ACP6: variants seen among roughly 807,000 people sequenced by gnomAD.
ACP6 encodes lysophosphatidic acid phosphatase type 6.
In ACP6, 48 loss-of-function variants were observed where a neutral mutation model predicts 48.1. That is an observed-to-expected ratio of 1.00 (90% CI 0.79 to 1.27). The LOEUF (loss-of-function observed/expected upper bound fraction) is 1.27, where lower values mean the gene tolerates loss of function less well. Among genes scored for constraint, ACP6 ranks in the 50% most tolerant of loss-of-function variants. The probability of loss-of-function intolerance (pLI) is 0.00; values close to 1 mark genes in which losing one functional copy is unlikely to be tolerated. For synonymous variants in ACP6, 172 were observed against 204.2 expected, an observed-to-expected ratio of 0.84 and a Z score of 1.34; for missense variants, 485 against 529.1, an observed-to-expected ratio of 0.92 and a Z score of 0.82.
At chr1:147,649,990 T>C (rs1659832408) in intron 8 of ACP6, 153 bp downstream of exon 8, 8 of 604,758 alleles carry the variant, frequency 1.3e-5, no homozygotes, top group East Asian at 3.3e-5. Context: ...GGTTAAAAGA[T>C]TGTGAACCTC....
chr1:147,659,545 A>G lies in ACP6; in HGVS notation c.349-19T>C. The stretch of plus-strand genomic sequence containing the variant: ...TGCCCCCCTAAAGTAGGGAAGAAAG[A>G]GAAAGAAGAATGAAAACACCTGACA... On this transcript the variant is annotated intron_variant, in intron 2 of 9. Coordinates refer to ENST00000583509, the MANE Select transcript of ACP6 (RefSeq NM_016361.5). 4 of 1,611,728 alleles carry G rather than the reference A, an allele frequency of 2.5e-6. No individual in the cohort carries two copies. The highest frequency in any genetic ancestry group is 3.4e-6 in the Non-Finnish European group (4 of 1,179,912).
Position 147,647,114 on chromosome 1 carries a change from G to A in ACP6, c.*309C>T, listed in dbSNP as rs1260103202. On this transcript the variant is annotated 3_prime_UTR_variant, in exon 10 of 10. Coordinates refer to ENST00000583509, the MANE Select transcript of ACP6 (RefSeq NM_016361.5). ...CTCAATACATGTGAAATTAATATAG[G>A]AGAAAAGAACTAAAGTCCAAAACCG... is the stretch of plus-strand genomic sequence containing the variant. 2.0e-5 allele frequency: 6 copies of A among 295,834 alleles called. No homozygotes were observed. The highest frequency in any genetic ancestry group is 3.9e-5 in the Non-Finnish European group (6 of 154,676). The allele number at this position is 295,834 out of a possible 1,614,324, so 18.3% of individuals were successfully genotyped here.
chr1:147,635,262 C>T (rs587690408), intron 5 of ACP6, among the ~76,000 whole-genome samples: 10 of 152,264 alleles, frequency 6.6e-5, no homozygotes, highest in South Asian at 2.1e-4. Flanking sequence ...TAGGAAGATC[C>T]GAACTCATTG....
intron 9 of ACP6, 72 bp from the exon 10 acceptor site, chr1:147,647,638 G>T: frequency 1.9e-6 from 3 of 1,545,540 alleles, no homozygotes; most frequent in Non-Finnish European, 2.6e-6. Context: ...TAAGCCCAGA[G>T]ATCTGAGAGG....
intron 1 of ACP6, among the ~76,000 whole-genome samples, chr1:147,665,907 G>T (rs1207445097): frequency 6.6e-6 from 1 of 152,134 alleles, no homozygotes; most frequent in Non-Finnish European, 1.5e-5. Flanking sequence ...CCAGTTAGTG[G>T]CAAAGACTAA....
At position 147,647,472 on chromosome 1, in the gene ACP6, T is replaced by C. The variant is rs1659678507; in HGVS notation, c.1238A>G (p.His413Arg). 1.2e-6 allele frequency: 2 copies of C among 1,614,188 alleles called. No individual in the cohort carries two copies. Among genetic ancestry groups the C allele is most frequent in the Non-Finnish European group, 8.5e-7 (1 of 1,180,026 alleles). ...CACCTGAGTTTGAGAGCAGAGTGCG[T>C]GGTATTTTTCTGGGCTTAAGGTATA... ...SVYTLSPEKY[H>R]ALCSQTQVME... The change falls in exon 10 of 10, where the codon CAC becomes CGC. Residue 413 changes from histidine to arginine, a missense_variant. Coordinates refer to ENST00000583509, the MANE Select transcript of ACP6 (RefSeq NM_016361.5).
At chr1:147,657,477 G>A (rs1438333051) in intron 4 of ACP6, among the ~76,000 whole-genome samples, 1 of 152,150 alleles carries the variant, frequency 6.6e-6, no homozygotes, top group African/African-American at 2.4e-5. Context: ...CTGGAGTGCA[G>A]TGGTGCGATC....
At chr1:147,657,781 A>C (rs1660331929) in intron 4 of ACP6, among the ~76,000 whole-genome samples, 2 of 152,180 alleles carry the variant, frequency 1.3e-5, no homozygotes, top group Admixed American at 1.3e-4. Flanking sequence ...GCTACAAAAG[A>C]AGCCAATCTG....
At chr1:147,648,186 G>A (rs1444195798) in intron 9 of ACP6, 60 bp downstream of exon 9, 1 of 1,590,356 alleles carries the variant, frequency 6.3e-7, no homozygotes, top group Non-Finnish European at 8.6e-7. Context: ...GCTAACTCAG[G>A]TAGGTGGGTT....
chr1:147,648,880 A>G (rs1239887042), intron 8 of ACP6, among the ~76,000 whole-genome samples: 3 of 152,144 alleles, frequency 2.0e-5, no homozygotes, highest in Admixed American at 1.3e-4. Flanking sequence ...ACATTCTCCA[A>G]ATGGCTTTAA....
chr1:147,643,266 G>A lies in ACP6; in HGVS notation c.*4157C>T, dbSNP rs2148900092. ...ATCAGTGTTACAAGGCAACGATGTT[G>A]AACAAAACACAATGTTATTCAAGGA... On this transcript the variant is annotated 3_prime_UTR_variant, in exon 10 of 10. Transcript: ENST00000583509. The A allele has an allele frequency of 6.6e-6, 1 of 152,284 alleles. No individual in the cohort carries two copies. The highest frequency in any genetic ancestry group is 1.5e-5 in the Non-Finnish European group (1 of 68,028). 9.4% of individuals were successfully genotyped at this position (152,284 alleles called of 1,614,324 possible).
chr1:147,645,867 G>A lies in ACP6; in HGVS notation c.*1556C>T, dbSNP rs1176852259. 1.3e-5 allele frequency: 2 copies of A among 152,138 alleles called. No homozygotes were observed. The highest frequency in any genetic ancestry group is 4.8e-5 in the African/African-American group (2 of 41,408). The allele number at this position is 152,138 out of a possible 1,614,324, so 9.4% of individuals were successfully genotyped here. A position where few individuals can be genotyped will look rare whatever the true frequency, so the allele number is the denominator to read the frequency against. On this transcript the variant is annotated 3_prime_UTR_variant, in exon 10 of 10. Transcript: ENST00000583509. Reference sequence around the variant, plus strand: ...ATTTGTATTGCTAATAGAATAATTGGTCAGGAAAAAAATTGACAATCCAGA... The same window carrying A: ...ATTTGTATTGCTAATAGAATAATTGATCAGGAAAAAAATTGACAATCCAGA...
chr1:147,633,470 T>G (rs1054334198), intron 5 of ACP6, among the ~76,000 whole-genome samples: 3 of 151,564 alleles, frequency 2.0e-5, no homozygotes, highest in Non-Finnish European at 4.4e-5. Flanking sequence ...ATTACTTTCT[T>G]TTATCTGAGC....
Position 147,652,457 on chromosome 1 carries a change from C to T in ACP6, c.873G>A (p.Lys291=), listed in dbSNP as rs141425303. The stretch of plus-strand genomic sequence containing the variant: ...CAGTGAGAGCCCCTCACCTGTCTTC[C>T]TTGGGCAGTATGTACAAGGATGTGT... ...AVDTSLYILP[K]EDRESLQMAV... is the part of the protein sequence containing the mutation. Residue 291 remains lysine (K), a synonymous_variant, in exon 7 of 10, where the codon AAG becomes AAA. Coordinates refer to ENST00000583509, the MANE Select transcript of ACP6 (RefSeq NM_016361.5). 1 of 1,612,838 alleles carries T rather than the reference C, an allele frequency of 6.2e-7. No homozygotes were observed. The highest frequency in any genetic ancestry group is 8.5e-7 in the Non-Finnish European group (1 of 1,179,500).
At chr1:147,655,508 C>A (rs587754801) in intron 4 of ACP6, among the ~76,000 whole-genome samples, 2 of 152,302 alleles carry the variant, frequency 1.3e-5, no homozygotes, top group African/African-American at 2.4e-5. Flanking sequence ...TATCGGGCCA[C>A]AAATAGACTA....
intron 1 of ACP6, among the ~76,000 whole-genome samples, chr1:147,660,451 T>C (rs1320455414): frequency 6.6e-5 from 10 of 152,192 alleles, no homozygotes; most frequent in African/African-American, 2.4e-4. Flanking sequence ...AAAACAAGTC[T>C]AATCCCATAG....
At chr1:147,661,000 C>T (rs1419879272) in intron 1 of ACP6, among the ~76,000 whole-genome samples, 2 of 152,224 alleles carry the variant, frequency 1.3e-5, no homozygotes, top group African/African-American at 4.8e-5. Context: ...GAGAACTCTG[C>T]ATTGAGCAAG....
At position 147,659,453 on chromosome 1, in the gene ACP6, T is replaced by C. The variant is rs1660424070; in HGVS notation, c.422A>G (p.Lys141Arg). Reference protein sequence around the residue: ...QMFALGERLRKNYVEDIPFLS... With the variant: ...QMFALGERLRRNYVEDIPFLS... ...AAAGGGAATGTCTTCCACATAGTTC[T>C]TCCTCAGTCTCTCTCCCAAGGCAAA... Residue 141 changes from lysine to arginine, a missense_variant, in exon 3 of 10, where the codon AAG becomes AGG. Transcript: ENST00000583509. The C allele has an allele frequency of 6.2e-7, 1 of 1,614,250 alleles. No homozygotes were observed. The highest frequency in any genetic ancestry group is 8.5e-7 in the Non-Finnish European group (1 of 1,180,044).
intron 4 of ACP6, 131 bp downstream of exon 4, chr1:147,658,829 T>C (rs1660384431): frequency 1.2e-6 from 1 of 819,820 alleles, no homozygotes; most frequent in Non-Finnish European, 2.0e-6. Context: ...CTGGACTAGG[T>C]ACACACTGGA....
Sources: allele counts gnomAD v4.1 joint callset (sites outside exome capture counted in the v4.1 genomes callset), GRCh38; gene constraint gnomAD v4.1.1; transcripts MANE v1.5; gene names NCBI Gene and HGNC (gene_info 2026-07-23, HGNC 2026-07-21).